Variants in CMIP observed in about 807,000 individuals in gnomAD.
CMIP encodes c-Maf inducing protein.
Under a neutral mutation model 97.3 loss-of-function variants are expected in CMIP, and 13 were observed. That is an observed-to-expected ratio of 0.13 (90% CI 0.09 to 0.21). The LOEUF (loss-of-function observed/expected upper bound fraction) is 0.21. Among genes scored for constraint, CMIP ranks in the 10% least tolerant of loss-of-function variants. The pLI, the probability that CMIP is intolerant of heterozygous loss-of-function variation, is 1.00. For missense variants in CMIP, 847 were observed against 1,024.9 expected, an observed-to-expected ratio of 0.83 and a Z score of 2.37; for synonymous variants, 538 against 436.3, an observed-to-expected ratio of 1.23 and a Z score of -2.91.
intron 18 of CMIP, among the ~76,000 whole-genome samples, chr16:81,704,697 C>T (rs1216736640): frequency 8.9e-6 from 1 of 112,764 alleles, no homozygotes; most frequent in Non-Finnish European, 1.8e-5. Context: ...CTCCCTGCCC[C>T]CGTCACCCTC....
intron 10 of CMIP, among the ~76,000 whole-genome samples, chr16:81,680,744 C>G (rs367662331): frequency 1.9e-4 from 29 of 152,202 alleles, no homozygotes; most frequent in African/African-American, 6.8e-4. Context: ...GGGCGCCTCC[C>G]TGGATTTTGG....
chr16:81,525,461 A>AT (rs930197235), intron 1 of CMIP, among the ~76,000 whole-genome samples: 19 of 150,436 alleles, frequency 1.3e-4, no homozygotes, highest in Middle Eastern at 3.4e-3. Context: ...TATTTCCTTA[A>AT]TTTTTTTTTT....
chr16:81,641,255 G>T (rs1423772938), intron 3 of CMIP, among the ~76,000 whole-genome samples: 2 of 152,078 alleles, frequency 1.3e-5, no homozygotes, highest in Non-Finnish European at 2.9e-5. Context: ...TTAGCCTTCA[G>T]TGCCATTTTC....
intron 1 of CMIP, among the ~76,000 whole-genome samples, chr16:81,507,722 C>T (rs1023283934): frequency 2.0e-5 from 3 of 152,136 alleles, no homozygotes; most frequent in Non-Finnish European, 4.4e-5. Context: ...TCACAAGGCT[C>T]ATTAAGATTA....
intron 1 of CMIP, among the ~76,000 whole-genome samples, chr16:81,509,164 C>T (rs1274299344): frequency 2.0e-5 from 3 of 152,232 alleles, no homozygotes; most frequent in Admixed American, 6.5e-5. Context: ...GTCACCAACA[C>T]CGTGTGCTCC....
chr16:81,460,584 G>T (rs960713896), intron 1 of CMIP, among the ~76,000 whole-genome samples: 2 of 152,120 alleles, frequency 1.3e-5, no homozygotes, highest in Non-Finnish European at 2.9e-5. Context: ...ACCATCTTTT[G>T]TGCTTCCCCT....
At chr16:81,682,111 G>A (rs1043846897) in intron 10 of CMIP, among the ~76,000 whole-genome samples, 23 of 152,172 alleles carry the variant, frequency 1.5e-4, no homozygotes, top group African/African-American at 1.9e-4. Context: ...GCTGAAGCAC[G>A]AGAATCATTT....
At chr16:81,594,115 C>A (rs2091511832) in intron 1 of CMIP, among the ~76,000 whole-genome samples, 1 of 124,822 alleles carries the variant, frequency 8.0e-6, no homozygotes, top group Non-Finnish European at 1.7e-5. Flanking sequence ...CCTCCCCATT[C>A]TCCCCCCTCC....
At chr16:81,650,919 A>G (rs2092420815) in intron 3 of CMIP, among the ~76,000 whole-genome samples, 1 of 152,138 alleles carries the variant, frequency 6.6e-6, no homozygotes, top group African/African-American at 2.4e-5. Context: ...GACAGAAGTA[A>G]CCGTTCCACT....
intron 1 of CMIP, among the ~76,000 whole-genome samples, chr16:81,598,120 A>G (rs574549545): frequency 6.6e-6 from 1 of 152,174 alleles, no homozygotes; most frequent in African/African-American, 2.4e-5. Context: ...GGCTGGGAGG[A>G]TGAATGTGCT....
At chr16:81,593,250 A>T (rs567608296) in intron 1 of CMIP, among the ~76,000 whole-genome samples, 22 of 152,230 alleles carry the variant, frequency 1.4e-4, no homozygotes, top group Non-Finnish European at 2.8e-4. Flanking sequence ...GGCAGCAGAG[A>T]AGGGTGCCTG....
chr16:81,478,186 G>A lies in CMIP; in HGVS notation c.300+32645G>A, dbSNP rs73588577. Among the ~76,000 whole-genome samples the A allele has an allele frequency of 8.0e-3, 1,218 of 152,324 alleles. 18 individuals are homozygous for A. The highest frequency in any genetic ancestry group is 0.028 in the African/African-American group (1,164 of 41,562). ...TGGGAAGGCGAAGGCTGGTCAGGGA[G>A]ACACATTGCGTGGGCATTCCCTCAA... On this transcript the variant is annotated intron_variant, in intron 1 of 20. Coordinates refer to ENST00000537098, the MANE Select transcript of CMIP (RefSeq NM_198390.3).
chr16:81,470,234 G>A lies in CMIP; in HGVS notation c.300+24693G>A, dbSNP rs140565738. On this transcript the variant is annotated intron_variant, in intron 1 of 20. Transcript: ENST00000537098. ...AGCTCTCTGCTGCTTCCACATTTGA[G>A]ACAAAGGCGCCGCAGGGATGCTGGG... Among the ~76,000 whole-genome samples, 89 of 152,360 alleles carry A rather than the reference G, an allele frequency of 5.8e-4. 2 individuals are homozygous for A. The East Asian group carries it at 0.015, about 26-fold the overall frequency.
intron 1 of CMIP, among the ~76,000 whole-genome samples, chr16:81,544,449 C>T (rs2090506040): frequency 6.7e-6 from 1 of 148,300 alleles, no homozygotes; most frequent in South Asian, 2.1e-4. Context: ...TGTGTGCGCG[C>T]ACACAGGAAA....
At chr16:81,605,603 C>G (rs998710918) in intron 1 of CMIP, among the ~76,000 whole-genome samples, 3 of 152,226 alleles carry the variant, frequency 2.0e-5, no homozygotes, top group Admixed American at 6.5e-5. Context: ...TTACCCAGCC[C>G]TCCCTCCGTT....
chr16:81,486,530 A>G (rs1482362243), intron 1 of CMIP, among the ~76,000 whole-genome samples: 3 of 152,144 alleles, frequency 2.0e-5, no homozygotes, highest in African/African-American at 7.2e-5. Flanking sequence ...GGGCCGGGCC[A>G]CTTTGCACTT....
intron 1 of CMIP, among the ~76,000 whole-genome samples, chr16:81,560,494 A>G (rs748419497): frequency 3.2e-4 from 49 of 152,192 alleles, no homozygotes; most frequent in Non-Finnish European, 5.9e-4. Flanking sequence ...CTGGGATTAC[A>G]GGCGTGAGCC....
chr16:81,605,823 T>C (rs1233547163), intron 1 of CMIP, among the ~76,000 whole-genome samples: 1 of 152,258 alleles, frequency 6.6e-6, no homozygotes, highest in African/African-American at 2.4e-5. Context: ...GCTCCTGTCT[T>C]ATTCACTGCT....
intron 1 of CMIP, among the ~76,000 whole-genome samples, chr16:81,560,497 C>T (rs192931605): frequency 1.3e-4 from 20 of 152,280 alleles, no homozygotes; most frequent in Non-Finnish European, 1.5e-4. Flanking sequence ...GGATTACAGG[C>T]GTGAGCCACT....
Sources: allele counts gnomAD v4.1 joint callset (sites outside exome capture counted in the v4.1 genomes callset), GRCh38; gene constraint gnomAD v4.1.1; transcripts MANE v1.5; gene names NCBI Gene and HGNC (gene_info 2026-07-23, HGNC 2026-07-21).